The following DIAPH2 variants were observed in gnomAD, a reference collection of about 807,000 sequenced individuals.
The protein encoded by DIAPH2 is protein diaphanous homolog 2.
In DIAPH2, 35 loss-of-function variants were observed where a neutral mutation model predicts 92.7. That is an observed-to-expected ratio of 0.38 (90% confidence interval 0.29 to 0.50). The LOEUF is 0.50. Ranked by LOEUF, DIAPH2 falls within the 20% of genes least tolerant of loss-of-function variation. The probability of loss-of-function intolerance (pLI) is 0.94; values close to 1 mark genes in which losing one functional copy is unlikely to be tolerated. For synonymous variants in DIAPH2, 301 were observed against 280.4 expected, an observed-to-expected ratio of 1.07 and a Z score of -0.73; for missense variants, 701 against 819.5, an observed-to-expected ratio of 0.86 and a Z score of 1.77.
intron 17 of DIAPH2, among the ~76,000 whole-genome samples, chrX:97,064,301 A>T (rs1194328339): frequency 9.0e-6 from 1 of 111,402 alleles, no homozygotes; most frequent in Non-Finnish European, 1.9e-5. Flanking sequence ...GTGATCAGAA[A>T]CTAATCAGCT....
intron 4 of DIAPH2, among the ~76,000 whole-genome samples, chrX:96,850,109 A>C (rs937120304): frequency 3.6e-5 from 4 of 111,677 alleles, no homozygotes; most frequent in Non-Finnish European, 5.6e-5. Flanking sequence ...CAATTATTTC[A>C]ACAAAGTCCT....
intron 26 of DIAPH2, among the ~76,000 whole-genome samples, chrX:97,500,662 A>G (rs1475303905): frequency 9.4e-6 from 1 of 106,090 alleles, no homozygotes; most frequent in Non-Finnish European, 1.9e-5. Context: ...CAGTTAATTT[A>G]TCCTTGTTAT....
chrX:97,363,389 G>A (rs1190180840), intron 24 of DIAPH2, among the ~76,000 whole-genome samples: 1 of 110,404 alleles, frequency 9.1e-6, no homozygotes, highest in Non-Finnish European at 1.9e-5. Flanking sequence ...AGGCGCAGTG[G>A]CTCACGCCTA....
chrX:97,187,527 C>T (rs1360314954), intron 22 of DIAPH2, among the ~76,000 whole-genome samples: 2 of 109,061 alleles, frequency 1.8e-5, no homozygotes, highest in African/African-American at 3.3e-5. Context: ...CTGCCTGCCT[C>T]GGCCTCCCAA....
At chrX:97,194,094 G>C (rs1353027637) in intron 22 of DIAPH2, among the ~76,000 whole-genome samples, 1 of 110,801 alleles carries the variant, frequency 9.0e-6, no homozygotes, top group Non-Finnish European at 1.9e-5. Flanking sequence ...AGCAGAACTA[G>C]CTAATAAGTC....
At chrX:97,000,597 T>C (rs2066137052) in intron 17 of DIAPH2, among the ~76,000 whole-genome samples, 1 of 103,745 alleles carries the variant, frequency 9.6e-6, no homozygotes, top group Admixed American at 1.0e-4. Context: ...CATAGCAAGA[T>C]GCCACCCCCA....
At chrX:96,999,417 C>T (rs376271268) in intron 17 of DIAPH2, among the ~76,000 whole-genome samples, 4 of 99,648 alleles carry the variant, frequency 4.0e-5, no homozygotes, top group Admixed American at 1.2e-4. Flanking sequence ...AGGAGAATGG[C>T]GTGATCCCGG....
intron 26 of DIAPH2, among the ~76,000 whole-genome samples, chrX:97,455,057 G>A (rs888660814): frequency 6.3e-5 from 7 of 111,276 alleles, no homozygotes; most frequent in Middle Eastern, 4.6e-3. Flanking sequence ...TTGTCCTTAC[G>A]GAGGCAGCAA....
chrX:97,004,221 T>C (rs2066164191), intron 17 of DIAPH2, among the ~76,000 whole-genome samples: 1 of 111,607 alleles, frequency 9.0e-6, no homozygotes, highest in Non-Finnish European at 1.9e-5. Flanking sequence ...TCAGGTAATA[T>C]GATTCTTCCA....
chrX:97,075,670 T>C (rs2066700228), intron 19 of DIAPH2, among the ~76,000 whole-genome samples: 1 of 112,007 alleles, frequency 8.9e-6, no homozygotes, highest in African/African-American at 3.2e-5. Flanking sequence ...GTATTTAACA[T>C]ACCCATTGTT....
At position 96,939,359 on chromosome X, in the gene DIAPH2, T is replaced by C. The variant is rs758824148; in HGVS notation, c.1302T>C (p.Leu434=). 1 of 1,081,212 alleles carries C rather than the reference T, an allele frequency of 9.2e-7. No individual in the cohort carries two copies. Among genetic ancestry groups the C allele is most frequent in the Non-Finnish European group, 1.3e-6 (1 of 784,807 alleles). 89.1% of individuals were successfully genotyped at this position (1,081,212 alleles called of 1,213,427 possible). A position where few individuals can be genotyped will look rare whatever the true frequency, so the allele number is the denominator to read the frequency against. ...TATCTATTCTACAACATTTTTTGCT[T>C]ATCAGAAATGATTATTATATCAGGT... ...YFLSILQHFL[L]IRNDYYIRPQ... The change falls in exon 12 of 27, where the codon CTT becomes CTC. Residue 434 remains leucine, a synonymous_variant. Transcript: ENST00000324765.
chrX:97,482,512 T>C (rs1198186041), intron 26 of DIAPH2, among the ~76,000 whole-genome samples: 1 of 111,870 alleles, frequency 8.9e-6, no homozygotes, highest in African/African-American at 3.3e-5. Flanking sequence ...CATTTGAAGA[T>C]TTGATACAAT....
rs183476642 is a variant in DIAPH2, at chrX:96,897,353, G to A, written c.588-14975G>A. On this transcript the variant is annotated intron_variant, in intron 5 of 26. Coordinates refer to ENST00000324765, the MANE Select transcript of DIAPH2 (RefSeq NM_006729.5). ...CTCCCAACATCCGCCCACTTACTTT[G>A]AGTAATGATGGTATTTTGATGGAAG... Among the ~76,000 whole-genome samples the A allele has an allele frequency of 1.7e-3, 188 of 109,783 alleles. 1 individual carries two copies. Among genetic ancestry groups the A allele is most frequent in the African/African-American group, 5.7e-3 (173 of 30,292 alleles).
intron 22 of DIAPH2, among the ~76,000 whole-genome samples, chrX:97,170,862 T>A (rs974004413): frequency 1.6e-4 from 18 of 111,371 alleles, no homozygotes; most frequent in African/African-American, 5.9e-4. Context: ...TTTTCTTTTT[T>A]AAAAAATTAT....
At chrX:97,412,285 A>G (rs973476988) in intron 25 of DIAPH2, among the ~76,000 whole-genome samples, 1 of 112,024 alleles carries the variant, frequency 8.9e-6, no homozygotes, top group African/African-American at 3.2e-5. Context: ...AAACTGAACA[A>G]CCTGCTCCTG....
intron 17 of DIAPH2, among the ~76,000 whole-genome samples, chrX:97,053,867 G>A (rs1198703245): frequency 8.9e-6 from 1 of 111,780 alleles, no homozygotes; most frequent in Non-Finnish European, 1.9e-5. Flanking sequence ...TTCAGTTCAG[G>A]ACTAGAGGGC....
At chrX:96,814,861 T>C (rs1300605072) in intron 4 of DIAPH2, among the ~76,000 whole-genome samples, 4 of 111,772 alleles carry the variant, frequency 3.6e-5, no homozygotes, top group Non-Finnish European at 7.5e-5. Context: ...CAGCGGAGAC[T>C]GCAGAACAGC....
chrX:96,888,483 A>G (rs867492104), intron 5 of DIAPH2, among the ~76,000 whole-genome samples: 1 of 104,761 alleles, frequency 9.5e-6, no homozygotes, highest in Non-Finnish European at 1.9e-5. Context: ...TATATATATA[A>G]CACAGATATA....
intron 4 of DIAPH2, among the ~76,000 whole-genome samples, chrX:96,872,234 A>G (rs1381079537): frequency 9.0e-6 from 1 of 110,935 alleles, no homozygotes; most frequent in African/African-American, 3.3e-5. Context: ...TGTACCCATT[A>G]ACTATCCCCA....
Sources: allele counts gnomAD v4.1 joint callset (sites outside exome capture counted in the v4.1 genomes callset), GRCh38; gene constraint gnomAD v4.1.1; transcripts MANE v1.5; gene names NCBI Gene and HGNC (gene_info 2026-07-23, HGNC 2026-07-21).